The following ALOX5 variants were observed in gnomAD, a reference collection of about 807,000 sequenced individuals.
ALOX5 encodes the protein polyunsaturated fatty acid 5-lipoxygenase.
In ALOX5, 64 loss-of-function variants were observed where a neutral mutation model predicts 87.9. The ratio of observed to expected loss-of-function variants is 0.73; its 90% CI spans 0.60 to 0.90. The LOEUF is 0.90. Among genes scored for constraint, ALOX5 ranks in the 40% least tolerant of loss-of-function variants. The pLI, the probability that ALOX5 is intolerant of heterozygous loss-of-function variation, is 0.00. For synonymous variants in ALOX5, 388 were observed against 355.1 expected (o/e 1.09, Z -1.04); for missense variants, 822 against 907.5 (o/e 0.91, Z 1.21).
intron 7 of ALOX5, among the ~76,000 whole-genome samples, chr10:45,440,142 G>C (rs955018441): frequency 4.6e-5 from 7 of 152,208 alleles, no homozygotes; most frequent in African/African-American, 1.4e-4. Context: ...CATGCTGCCA[G>C]CTCCTGAGTA....
intron 3 of ALOX5, among the ~76,000 whole-genome samples, chr10:45,402,765 C>T (rs1048005908): frequency 5.3e-5 from 8 of 152,242 alleles, no homozygotes; most frequent in Non-Finnish European, 7.4e-5. Flanking sequence ...GAGTGATTGA[C>T]GAGAATTATT....
rs142524463 is a variant in ALOX5 at position 45,412,227 on chromosome 10, C to T, written c.468C>T (p.Ile156=). ...GGAACCCTGGCTTCCCCTTGAGCATCGATGCCAAATGCCACAAGGATTTAC... is the reference window on the plus strand; with the variant it reads ...GGAACCCTGGCTTCCCCTTGAGCATTGATGCCAAATGCCACAAGGATTTAC... ...MEWNPGFPLS[I]DAKCHKDLPR... is the part of the protein sequence containing the mutation. The change falls in exon 4 of 14, where the codon ATC becomes ATT. Residue 156 remains isoleucine (I), a synonymous_variant. Transcript: ENST00000374391. 325 of 1,614,098 alleles carry T rather than the reference C, an allele frequency of 2.0e-4. 2 individuals carry two copies. Among genetic ancestry groups the T allele is most frequent in the Non-Finnish European group, 4.9e-5 (58 of 1,180,018 alleles).
At chr10:45,383,988 C>G (rs1047295122) in intron 2 of ALOX5, among the ~76,000 whole-genome samples, 2 of 152,170 alleles carry the variant, frequency 1.3e-5, no homozygotes, top group Non-Finnish European at 2.9e-5. Flanking sequence ...GCAGACCCTT[C>G]AGCTCATCTT....
At chr10:45,409,316 C>G (rs954908103) in intron 3 of ALOX5, among the ~76,000 whole-genome samples, 1 of 80,366 alleles carries the variant, frequency 1.2e-5, no homozygotes, top group African/African-American at 7.1e-5. Context: ...GTTCTTTGCT[C>G]AATTAAACTG....
intron 2 of ALOX5, among the ~76,000 whole-genome samples, chr10:45,390,074 A>C (rs1160184020): frequency 6.6e-6 from 1 of 152,208 alleles, no homozygotes; most frequent in African/African-American, 2.4e-5. Context: ...TAAACCAACA[A>C]AGATCAAAAG....
At position 45,428,736 on chromosome 10, in the gene ALOX5, C is replaced by T; in HGVS notation, c.953C>T (p.Ala318Val). 6.2e-7 allele frequency: 1 copy of T among 1,614,028 alleles called. No individual in the cohort carries two copies. Among genetic ancestry groups the T allele is most frequent in the South Asian group, 1.1e-5 (1 of 91,074 alleles). Residue 318 changes from alanine to valine, a missense_variant, in exon 7 of 14, where the codon GCC (alanine) becomes GTC (valine). By Grantham distance (64) the Ala-to-Val change is moderately conservative (BLOSUM62 0). Transcript: ENST00000374391. Reference protein sequence around the residue: ...APICLLYKNLANKIVPIAIQL... With the variant: ...APICLLYKNLVNKIVPIAIQL... Reference sequence around the variant, plus strand: ...ATCTGCTTGCTGTATAAGAACCTGGCCAACAAGATTGTCCCCATTGCCATC... The same window carrying T: ...ATCTGCTTGCTGTATAAGAACCTGGTCAACAAGATTGTCCCCATTGCCATC...
At chr10:45,414,952 T>C (rs568874310) in intron 4 of ALOX5, among the ~76,000 whole-genome samples, 7 of 152,240 alleles carry the variant, frequency 4.6e-5, no homozygotes, top group Non-Finnish European at 8.8e-5. Flanking sequence ...CTGGAGAGGA[T>C]GTGGAGAAGT....
rs151200830 is a variant in ALOX5 at position 45,376,469 on chromosome 10, A to G, written c.150+2040A>G. Among the ~76,000 whole-genome samples the G allele has an allele frequency of 6.3e-3, 962 of 152,318 alleles. 10 individuals carry two copies. Among genetic ancestry groups the G allele is most frequent in the African/African-American group, 0.021 (869 of 41,558 alleles). ...CAACACTTTCTCTTGCCCAGCCCAG[A>G]ACTACTTCCTCATTCTCCCAGCTTG... On this transcript the variant is annotated intron_variant, in intron 1 of 13. Transcript: ENST00000374391.
chr10:45,380,745 C>T (rs1400983215), intron 1 of ALOX5, among the ~76,000 whole-genome samples: 1 of 152,150 alleles, frequency 6.6e-6, no homozygotes, highest in Non-Finnish European at 1.5e-5. Context: ...AGTTTGAGAC[C>T]AGCCTGGCCA....
chr10:45,442,710 C>A, intron 9 of ALOX5: 1 of 342,694 alleles, frequency 2.9e-6, no homozygotes, highest in South Asian at 6.3e-5. Context: ...ACTTCACAGC[C>A]CAGGCCCGCT....
intron 13 of ALOX5, 134 bp from the exon 14 acceptor site, chr10:45,445,374 T>C: frequency 9.3e-7 from 1 of 1,075,620 alleles, no homozygotes; most frequent in Non-Finnish European, 1.3e-6. Context: ...CAGCAGAGGG[T>C]GAATATGGGG....
chr10:45,424,987 A>T lies in ALOX5; in HGVS notation c.689A>T (p.Asp230Val). The change falls in exon 6 of 14, where the codon GAC (aspartate) becomes GTC (valine). Residue 230 changes from aspartate to valine, a missense_variant. Coordinates refer to ENST00000374391, the MANE Select transcript of ALOX5 (RefSeq NM_000698.5). ...CGGGTCATGAATCACTGGCAGGAAG[A>T]CCTGATGTTTGGCTACCAGTTCCTG... is the stretch of plus-strand genomic sequence containing the variant. ...SERVMNHWQEDLMFGYQFLNG... is the reference protein window; with the variant it reads ...SERVMNHWQEVLMFGYQFLNG... 6.2e-7 allele frequency: 1 copy of T among 1,614,160 alleles called. No homozygotes were observed. Among genetic ancestry groups the T allele is most frequent in the South Asian group, 1.1e-5 (1 of 91,076 alleles).
chr10:45,375,077 C>T lies in ALOX5; in HGVS notation c.150+648C>T, dbSNP rs147760994. On this transcript the variant is annotated intron_variant, in intron 1 of 13. Transcript: ENST00000374391. ...GTGAGCCCAGGCCCATCTGGTGGCT[C>T]AGACGGCACCTGGGCAGCTTACATT... Among the ~76,000 whole-genome samples, 683 of 152,296 alleles carry T rather than the reference C, an allele frequency of 4.5e-3. 8 individuals carry two copies. Among genetic ancestry groups the T allele is most frequent in the South Asian group, 0.02 (97 of 4,828 alleles).
chr10:45,419,760 G>C (rs996189977), intron 4 of ALOX5, among the ~76,000 whole-genome samples: 1 of 101,174 alleles, frequency 9.9e-6, no homozygotes, highest in Non-Finnish European at 2.1e-5. Flanking sequence ...GGGGTGTAGG[G>C]AAGGAGCGAT....
At chr10:45,398,441 A>G (rs902177930) in intron 3 of ALOX5, among the ~76,000 whole-genome samples, 7 of 152,244 alleles carry the variant, frequency 4.6e-5, no homozygotes, top group Non-Finnish European at 1.0e-4. Flanking sequence ...TGGATTTGAC[A>G]AAGGACTCTT....
rs755551523 is a variant in ALOX5, at chr10:45,382,603, C to A, written c.271C>A (p.Pro91Thr). 1 of 1,614,136 alleles carries A rather than the reference C, an allele frequency of 6.2e-7. No homozygotes were observed. The highest frequency in any genetic ancestry group is 8.5e-7 in the Non-Finnish European group (1 of 1,180,046). The change falls in exon 2 of 14, where the codon CCC becomes ACC. Residue 91 changes from proline to threonine, a missense_variant. By Grantham distance (38) the Pro-to-Thr change is conservative. Coordinates refer to ENST00000374391, the MANE Select transcript of ALOX5 (RefSeq NM_000698.5). ...WYLKYITLKT[P>T]HGDYIEFPCY... ...CCTGAAGTACATCACGCTGAAGACG[C>A]CCCACGGGGACTACATCGAGTTCCC...
chr10:45,383,246 C>G (rs1839903514), intron 2 of ALOX5, among the ~76,000 whole-genome samples: 1 of 152,260 alleles, frequency 6.6e-6, no homozygotes. Flanking sequence ...GAAAGAAGAA[C>G]CTCAAATCTG....
At chr10:45,416,308 C>A (rs996613987) in intron 4 of ALOX5, among the ~76,000 whole-genome samples, 3 of 152,124 alleles carry the variant, frequency 2.0e-5, no homozygotes, top group African/African-American at 7.2e-5. Flanking sequence ...GGATTTGAAT[C>A]CAGGTCTGTT....
intron 6 of ALOX5, 40 bp from the exon 7 acceptor site, chr10:45,428,578 T>A: frequency 5.0e-6 from 8 of 1,611,434 alleles, no homozygotes; most frequent in Non-Finnish European, 6.8e-6. Flanking sequence ...TTGGTCCGTC[T>A]GCTGAGCCTG....
Sources: allele counts gnomAD v4.1 joint callset (sites outside exome capture counted in the v4.1 genomes callset), GRCh38; gene constraint gnomAD v4.1.1; transcripts MANE v1.5; gene names NCBI Gene and HGNC (gene_info 2026-07-23, HGNC 2026-07-21).